MITF: variants seen among roughly 807,000 people sequenced by gnomAD.
MITF encodes the protein melanocyte inducing transcription factor, also known as microphthalmia-associated transcription factor.
In MITF, 17 loss-of-function variants were observed where a neutral mutation model predicts 60.5. That is an observed-to-expected ratio of 0.28 (90% CI 0.19 to 0.42). The LOEUF (loss-of-function observed/expected upper bound fraction) is 0.42. MITF is among the 10% of genes least tolerant of loss of function. MITF has a pLI of 1.00. For synonymous variants in MITF, 260 were observed against 248.5 expected, an observed-to-expected ratio of 1.05 and a Z score of -0.43; for missense variants, 622 against 683.5, an observed-to-expected ratio of 0.91 and a Z score of 1.00.
intron 1 of MITF, among the ~76,000 whole-genome samples, chr3:69,783,651 C>G (rs2062602657): frequency 6.6e-6 from 1 of 152,032 alleles, no homozygotes; most frequent in African/African-American, 2.4e-5. Flanking sequence ...CTTTATTATA[C>G]TTATTTGCAA....
intron 2 of MITF, among the ~76,000 whole-genome samples, chr3:69,899,995 C>T (rs1188762987): frequency 6.6e-6 from 1 of 152,118 alleles, no homozygotes; most frequent in African/African-American, 2.4e-5. Flanking sequence ...ACCATTCTGT[C>T]CTCAGATTTG....
chr3:69,788,524 G>A (rs888299222), intron 1 of MITF, among the ~76,000 whole-genome samples: 13 of 152,084 alleles, frequency 8.5e-5, no homozygotes, highest in African/African-American at 3.1e-4. Flanking sequence ...TGCAGTTAGT[G>A]CTTCTGTATA....
In MITF at chr3:69,908,625, G is replaced by A. The variant is rs578212646; in HGVS notation, c.355-29197G>A. Among the ~76,000 whole-genome samples, 7 of 152,152 alleles carry A rather than the reference G, an allele frequency of 4.6e-5. No homozygotes were observed. The South Asian group carries it at 1.5e-3, about 32-fold the overall frequency. On this transcript the variant is annotated intron_variant, in intron 2 of 9. Transcript: ENST00000352241. ...TTTACCACACTGCCATTCAACCTTT[G>A]ATGAACATGTGGGATGAATGAGCAC...
At chr3:69,799,132 T>C (rs1259573704) in intron 1 of MITF, among the ~76,000 whole-genome samples, 1 of 152,118 alleles carries the variant, frequency 6.6e-6, no homozygotes, top group Non-Finnish European at 1.5e-5. Context: ...ATGATGATAA[T>C]CTGATGATAA....
At chr3:69,923,146 C>T (rs747636015) in intron 2 of MITF, among the ~76,000 whole-genome samples, 11 of 152,062 alleles carry the variant, frequency 7.2e-5, no homozygotes, top group East Asian at 1.9e-4. Flanking sequence ...GAAATAATTC[C>T]GTTGAAAATA....
At chr3:69,856,719 G>T (rs2063924968) in intron 1 of MITF, among the ~76,000 whole-genome samples, 1 of 152,024 alleles carries the variant, frequency 6.6e-6, no homozygotes, top group African/African-American at 2.4e-5. Context: ...TTCCTTTTTT[G>T]AGAACTTTCT....
chr3:69,914,524 C>T (rs1052499273), intron 2 of MITF, among the ~76,000 whole-genome samples: 9 of 152,178 alleles, frequency 5.9e-5, no homozygotes, highest in East Asian at 1.9e-4. Context: ...GCCACTTCAT[C>T]GTGCAGTTAT....
chr3:69,960,504 A>C lies in MITF; in HGVS notation c.1179+1084A>C, dbSNP rs529253045. On this transcript the variant is annotated intron_variant, in intron 9 of 9. Coordinates refer to ENST00000352241, the MANE Select transcript of MITF (RefSeq NM_001354604.2). The stretch of plus-strand genomic sequence containing the variant: ...AAAGGGCACTACTTCCTCTGAAATG[A>C]TCCTCAAAAACAGACTCCCTGTTAT... 3.9e-5 allele frequency among the ~76,000 whole-genome samples: 6 copies of C among 152,204 alleles called. No individual in the cohort carries two copies. In the East Asian group the frequency reaches 1.2e-3, roughly 29 times the overall value.
chr3:69,773,476 G>A (rs1200784355), intron 1 of MITF, among the ~76,000 whole-genome samples: 1 of 152,166 alleles, frequency 6.6e-6, no homozygotes, highest in Non-Finnish European at 1.5e-5. Flanking sequence ...CCACGGTTTT[G>A]TCACTAGGTA....
chr3:69,938,115 C>T, intron 3 of MITF, 66 bp downstream of exon 3: 4 of 1,506,912 alleles, frequency 2.7e-6, no homozygotes, highest in Non-Finnish European at 3.7e-6. Context: ...GAATATGATT[C>T]CCACACTTAA....
intron 2 of MITF, among the ~76,000 whole-genome samples, chr3:69,887,499 AC>A (rs2064648831): frequency 1.3e-5 from 2 of 152,052 alleles, no homozygotes; most frequent in South Asian, 2.1e-4. Flanking sequence ...ACTTAAAAAA[AC>A]ATTTAGCTCC....
chr3:69,915,189 A>G (rs893774776), intron 2 of MITF, among the ~76,000 whole-genome samples: 1 of 152,202 alleles, frequency 6.6e-6, no homozygotes, highest in Non-Finnish European at 1.5e-5. Flanking sequence ...CTCAGTAGAG[A>G]TACTACCTGT....
At chr3:69,911,980 G>A (rs1309407920) in intron 2 of MITF, among the ~76,000 whole-genome samples, 2 of 152,182 alleles carry the variant, frequency 1.3e-5, no homozygotes, top group African/African-American at 4.8e-5. Flanking sequence ...AGCATTATCT[G>A]TGATTGCAAC....
Position 69,938,058 on chromosome 3 carries a change from T to A in MITF, c.582+9T>A. ...CCAACTGTGAAAAAGAGGTAATTCA[T>A]GTCTCCTCTCCTCTCCTGTTTTCTT... On this transcript the variant is annotated intron_variant, in intron 3 of 9. Transcript: ENST00000352241. The A allele has an allele frequency of 6.2e-7, 1 of 1,610,540 alleles. No homozygotes were observed.
intron 5 of MITF, among the ~76,000 whole-genome samples, chr3:69,942,417 G>A (rs1305830839): frequency 6.6e-6 from 1 of 151,858 alleles, no homozygotes; most frequent in Non-Finnish European, 1.5e-5. Flanking sequence ...ACTTACTTAG[G>A]TACACCAGAA....
rs1396660079 is a variant in MITF, at chr3:69,739,482, A to G, written c.-116A>G. 10 of 881,838 alleles carry G rather than the reference A, an allele frequency of 1.1e-5. No homozygotes were observed. The highest frequency in any genetic ancestry group is 3.5e-5 in the African/African-American group (2 of 56,548). The allele number at this position is 881,838 out of a possible 1,614,324, so 54.6% of individuals were successfully genotyped here. ...GGCGGCCGCGAGCCGGCGAGCGGGCAGAGCTCGGCACTGCGCCGGGGCGCA... is the reference window on the plus strand; with the variant it reads ...GGCGGCCGCGAGCCGGCGAGCGGGCGGAGCTCGGCACTGCGCCGGGGCGCA... On this transcript the variant is annotated 5_prime_UTR_variant, in exon 1 of 10. Transcript: ENST00000352241.
chr3:69,930,836 T>C (rs2065705730), intron 2 of MITF, among the ~76,000 whole-genome samples: 1 of 152,254 alleles, frequency 6.6e-6, no homozygotes, highest in Admixed American at 6.5e-5. Flanking sequence ...TGTGTACACA[T>C]TAACATTTGC....
chr3:69,872,081 C>T (rs1379396436), intron 1 of MITF, among the ~76,000 whole-genome samples: 2 of 152,084 alleles, frequency 1.3e-5, no homozygotes. Context: ...GAGTGTGGGG[C>T]ACTTCAACTT....
At position 69,951,980 on chromosome 3, in the gene MITF, C is replaced by T. The variant is rs1459349237; in HGVS notation, c.955+94C>T. Reference sequence around the variant, plus strand: ...GAAATTCTGTAGAGGAGAGTTGATTCCTACAGCTGTTAAAATTCTCTCTTA... The same window carrying T: ...GAAATTCTGTAGAGGAGAGTTGATTTCTACAGCTGTTAAAATTCTCTCTTA... On this transcript the variant is annotated intron_variant, in intron 7 of 9. Transcript: ENST00000352241. 10 of 898,880 alleles carry T rather than the reference C, an allele frequency of 1.1e-5. No individual in the cohort carries two copies. The Admixed American group carries it at 2.0e-4, about 18-fold the overall frequency. The allele number at this position is 898,880 out of a possible 1,614,324, so 55.7% of individuals were successfully genotyped here.
Sources: gnomAD v4.1 joint callset for allele counts (sites outside exome capture counted in the v4.1 genomes callset) on GRCh38, gnomAD v4.1.1 for gene constraint, MANE v1.5 for transcripts, NCBI Gene and HGNC (gene_info 2026-07-23, HGNC 2026-07-21) for gene names.